The following RIMBP2 variants were observed in gnomAD, a reference collection of about 807,000 sequenced individuals.
RIMBP2 encodes RIMS-binding protein 2.
Under a neutral mutation model 118.6 loss-of-function variants are expected in RIMBP2, and 48 were observed. The observed-to-expected ratio is 0.40, with a 90% confidence interval of 0.32 to 0.51. The LOEUF (loss-of-function observed/expected upper bound fraction) is 0.51, where lower values mean the gene tolerates loss of function less well. Ranked by LOEUF, RIMBP2 falls within the 20% of genes least tolerant of loss-of-function variation. The pLI is 0.41. For synonymous variants in RIMBP2, 762 were observed against 742.9 expected, an observed-to-expected ratio of 1.03 and a Z score of -0.42; for missense variants, 1,551 against 1,768.3, an observed-to-expected ratio of 0.88 and a Z score of 2.20.
Position 130,407,720 on chromosome 12 carries a change from T to C in RIMBP2, c.3693+6A>G. On this transcript the variant is annotated splice_donor_region_variant and intron_variant, in intron 20 of 22. Transcript: ENST00000690449. The stretch of plus-strand genomic sequence containing the variant: ...TCCGTCATGAAGTGCAGTGTTTGGC[T>C]GGTACCTCGACATCGACGTTGGGCG... 6.2e-7 allele frequency: 1 copy of C among 1,611,072 alleles called. No individual in the cohort carries two copies.
chr12:130,468,007 A>T (rs1202066538), intron 6 of RIMBP2, among the ~76,000 whole-genome samples: 1 of 152,140 alleles, frequency 6.6e-6, no homozygotes, highest in Non-Finnish European at 1.5e-5. Flanking sequence ...CTGAGCATGG[A>T]AGCAGGCTGC....
chr12:130,619,950 A>G (rs1427623540), intron 2 of RIMBP2, among the ~76,000 whole-genome samples: 5 of 152,212 alleles, frequency 3.3e-5, no homozygotes, highest in East Asian at 1.9e-4. Flanking sequence ...GCTCTGTGCC[A>G]GGAAGACAGA....
chr12:130,465,288 TTCAATGCCTCG>T (rs749384388), intron 6 of RIMBP2: 5 of 152,070 alleles, frequency 3.3e-5, no homozygotes, highest in Non-Finnish European at 5.9e-5. Context: ...TCACCTGAGG[TTCAATGCCTCG>T]CTCCAGGAGG....
In RIMBP2 at chr12:130,424,183, G is replaced by A. The variant is rs909058894; in HGVS notation, c.3088C>T (p.Pro1030Ser). 15 of 1,232,034 alleles carry A rather than the reference G, an allele frequency of 1.2e-5. No individual in the cohort carries two copies. In the South Asian group the frequency reaches 3.3e-4, roughly 27 times the overall value. 76.3% of individuals were successfully genotyped at this position (1,232,034 alleles called of 1,614,324 possible). The change falls in exon 16 of 23, where the codon CCC becomes TCC. Residue 1030 changes from proline to serine, a missense_variant. Pro to Ser is a moderately conservative substitution (Grantham distance 74, BLOSUM62 -1). Around this residue, in one of 5 missense-constraint regions of RIMBP2, gnomAD observed 1,038 missense variants for 1,125.1 expected, o/e 0.92. Transcript: ENST00000690449. This position sits in a 1 kb window ranked among gnomAD's most constrained non-coding sequence, Gnocchi z 9.8. ...ITMPDSRAAA[P>S]HAKPPPRVAQ... ...ACTCTGGGAGGTGGCTTTGCGTGGGGGGCAGCTGCCCTACTGTCGGGCATG... is the reference window on the plus strand; with the variant it reads ...ACTCTGGGAGGTGGCTTTGCGTGGGAGGCAGCTGCCCTACTGTCGGGCATG...
chr12:130,536,700 T>C (rs563337784), intron 2 of RIMBP2, among the ~76,000 whole-genome samples: 1 of 152,202 alleles, frequency 6.6e-6, no homozygotes, highest in Non-Finnish European at 1.5e-5. Context: ...TTAATTTAAG[T>C]CAAATAAAAT....
intron 12 of RIMBP2, 113 bp downstream of exon 12, chr12:130,438,252 A>G: frequency 1.6e-6 from 2 of 1,244,472 alleles, no homozygotes; most frequent in Non-Finnish European, 2.3e-6. Flanking sequence ...GGGTGCCTCC[A>G]GTGATCAGGG....
At chr12:130,559,433 G>A (rs1445054754) in intron 2 of RIMBP2, among the ~76,000 whole-genome samples, 1 of 151,892 alleles carries the variant, frequency 6.6e-6, no homozygotes, top group Non-Finnish European at 1.5e-5. Flanking sequence ...TTCAATGCCT[G>A]GCTTATTTCA....
intron 1 of RIMBP2, among the ~76,000 whole-genome samples, chr12:130,654,140 C>T (rs1159207409): frequency 6.6e-6 from 1 of 152,242 alleles, no homozygotes; most frequent in Admixed American, 6.5e-5. Context: ...TTTTCCTTCT[C>T]TGCCACATGG....
intron 2 of RIMBP2, among the ~76,000 whole-genome samples, chr12:130,535,570 T>C (rs568488965): frequency 6.6e-6 from 1 of 151,784 alleles, no homozygotes; most frequent in East Asian, 1.9e-4. Flanking sequence ...CTAAGCACCA[T>C]TGCATAGACT....
chr12:130,512,335 T>C (rs923901502), intron 3 of RIMBP2, among the ~76,000 whole-genome samples: 2 of 151,780 alleles, frequency 1.3e-5, no homozygotes, highest in Non-Finnish European at 2.9e-5. Flanking sequence ...CTTTCTTTTT[T>C]TTTTCTTGAG....
chr12:130,607,131 A>C (rs2060241523), intron 2 of RIMBP2, among the ~76,000 whole-genome samples: 1 of 152,254 alleles, frequency 6.6e-6, no homozygotes, highest in African/African-American at 2.4e-5. Context: ...CGGCCGGCCC[A>C]GTTCAAATTC....
chr12:130,650,974 AAAG>A lies in RIMBP2; in HGVS notation c.-351-22521_-351-22519del, dbSNP rs1238688032. Among the ~76,000 whole-genome samples, 32 of 103,936 alleles carry A rather than the reference AAAG, an allele frequency of 3.1e-4. 1 individual carries two copies. In the East Asian group the frequency reaches 4.8e-3, roughly 16 times the overall value. The allele number at this position is 103,936 out of a possible 152,430, so 68.2% of individuals were successfully genotyped here. On this transcript the variant is annotated intron_variant, in intron 1 of 22. Transcript: ENST00000690449. ...TGTTTTTTTTAAAAAAAAAAAAAAA[AAAG>A]AAAGAAAAGAAAAGAAACTGCTTTG...
In RIMBP2 at chr12:130,442,224, C is replaced by T; in HGVS notation, c.1128G>A (p.Met376Ile). The T allele has an allele frequency of 6.2e-7, 1 of 1,614,200 alleles. No homozygotes were observed. Among genetic ancestry groups the T allele is most frequent in the Non-Finnish European group, 8.5e-7 (1 of 1,180,048 alleles). The part of the protein sequence containing the change: ...RTKALIEKLN[M>I]AACTYRISVQ... ...CGGAGATGCGGTAGGTGCAGGCTGC[C>T]ATGTTGAGCTTCTCGATGAGGGCTT... The change falls in exon 11 of 23, where the codon ATG becomes ATA. Residue 376 changes from methionine to isoleucine, a missense_variant. Coordinates refer to ENST00000690449, the MANE Select transcript of RIMBP2 (RefSeq NM_001393629.1). This position sits in a 1 kb window ranked among gnomAD's most constrained non-coding sequence, Gnocchi z 6.9.
intron 2 of RIMBP2, among the ~76,000 whole-genome samples, chr12:130,606,383 G>C (rs1179947563): frequency 6.6e-6 from 1 of 152,198 alleles, no homozygotes; most frequent in African/African-American, 2.4e-5. Flanking sequence ...GAAGCATGGG[G>C]TTTGCAGAGA....
At chr12:130,499,614 C>T (rs2049537622) in intron 4 of RIMBP2, among the ~76,000 whole-genome samples, 1 of 152,182 alleles carries the variant, frequency 6.6e-6, no homozygotes, top group South Asian at 2.1e-4. Flanking sequence ...ACACACTTCT[C>T]AGACACAGCA....
chr12:130,641,661 A>G (rs1409407115), intron 1 of RIMBP2, among the ~76,000 whole-genome samples: 2 of 152,216 alleles, frequency 1.3e-5, no homozygotes, highest in African/African-American at 4.8e-5. Context: ...ACAGAAAAAC[A>G]AACTGCGCCT....
chr12:130,438,843 G>A (rs1451616553), intron 11 of RIMBP2, among the ~76,000 whole-genome samples: 1 of 152,104 alleles, frequency 6.6e-6, no homozygotes, highest in African/African-American at 2.4e-5. Context: ...AGCTACCTCT[G>A]TCCAGGGGTC....
intron 2 of RIMBP2, among the ~76,000 whole-genome samples, chr12:130,559,498 T>G (rs1224911127): frequency 6.6e-6 from 1 of 152,234 alleles, no homozygotes; most frequent in African/African-American, 2.4e-5. Flanking sequence ...CAGGCTTTCC[T>G]TCTTTTCATG....
intron 2 of RIMBP2, among the ~76,000 whole-genome samples, chr12:130,606,535 G>A (rs919798805): frequency 6.6e-6 from 1 of 152,212 alleles, no homozygotes; most frequent in Admixed American, 6.5e-5. Flanking sequence ...GGCGGAAGCT[G>A]AGCCAACAAG....
Sources: gnomAD v4.1 joint callset for allele counts (sites outside exome capture counted in the v4.1 genomes callset) on GRCh38, gnomAD v4.1.1 for gene constraint, gnomAD v4.1.1 regional missense constraint, Gnocchi (gnomAD v3.1) non-coding constraint, MANE v1.5 for transcripts, NCBI Gene and HGNC (gene_info 2026-07-23, HGNC 2026-07-21) for gene names.